The following NPY1R variants were observed in gnomAD, a reference collection of about 807,000 sequenced individuals.
The protein encoded by NPY1R is neuropeptide Y receptor Y1.
NPY1R carries 10 observed loss-of-function variants against 24.1 expected under a neutral mutation model. The observed-to-expected ratio is 0.42, with a 90% confidence interval of 0.26 to 0.71. The LOEUF (loss-of-function observed/expected upper bound fraction) is 0.71. Among genes scored for constraint, NPY1R ranks in the 30% least tolerant of loss-of-function variants. The probability of loss-of-function intolerance (pLI) is 0.28; values close to 1 mark genes in which losing one functional copy is unlikely to be tolerated. For missense variants in NPY1R, 350 were observed against 458.0 expected, an observed-to-expected ratio of 0.76 and a Z score of 2.15; for synonymous variants, 168 against 165.9, an observed-to-expected ratio of 1.01 and a Z score of -0.10.
upstream of NPY1R, among the ~76,000 whole-genome samples, chr4:163,334,861 GAAAAAAAAAAAA>G (rs545497813): frequency 1.5e-5 from 1 of 66,906 alleles, no homozygotes; most frequent in African/African-American, 5.6e-5. Flanking sequence ...CTCTGTTTTG[GAAAAAAAAAAAA>G]AAAAAAAAAG....
At chr4:163,340,759 A>G (rs879532107) in intron 1 of NPY1R, among the ~76,000 whole-genome samples, 5 of 152,120 alleles carry the variant, frequency 3.3e-5, no homozygotes, top group Non-Finnish European at 7.4e-5. Context: ...AGGTGTTCTG[A>G]TAAGTGTCTA....
intron 1 of NPY1R, chr4:163,344,063 C>T (rs1409436332): frequency 6.6e-6 from 1 of 152,126 alleles, no homozygotes; most frequent in Non-Finnish European, 1.5e-5. Context: ...ACCGAGGGGC[C>T]GTGGCGGGTC....
chr4:163,326,575 T>A lies in NPY1R; in HGVS notation c.-21A>T. Reference sequence around the variant, plus strand: ...TTCATTTTGATTGGTTTGGTTGTTATAGATTATTTTAGACAAATGGACAGT... The same window carrying A: ...TTCATTTTGATTGGTTTGGTTGTTAAAGATTATTTTAGACAAATGGACAGT... On this transcript the variant is annotated 5_prime_UTR_variant, in exon 2 of 3. Transcript: ENST00000296533. The A allele has an allele frequency of 6.9e-7, 1 of 1,442,744 alleles. No individual in the cohort carries two copies. Among genetic ancestry groups the A allele is most frequent in the Non-Finnish European group, 9.6e-7 (1 of 1,045,260 alleles). 89.4% of individuals were successfully genotyped at this position (1,442,744 alleles called of 1,614,324 possible). A position where few individuals can be genotyped will look rare whatever the true frequency, so the allele number is the denominator to read the frequency against.
At chr4:163,341,761 G>C (rs1192351366) in intron 1 of NPY1R, among the ~76,000 whole-genome samples, 1 of 152,050 alleles carries the variant, frequency 6.6e-6, no homozygotes, top group Non-Finnish European at 1.5e-5. Context: ...AAACAGAGGT[G>C]GACATTACTA....
chr4:163,341,223 A>T (rs1404734733), intron 1 of NPY1R, among the ~76,000 whole-genome samples: 2 of 152,122 alleles, frequency 1.3e-5, no homozygotes, highest in South Asian at 4.1e-4. Flanking sequence ...AGCATCATAA[A>T]ATATTTTTGA....
intron 1 of NPY1R, among the ~76,000 whole-genome samples, chr4:163,338,225 C>T (rs954588559): frequency 6.6e-6 from 1 of 152,126 alleles, no homozygotes; most frequent in African/African-American, 2.4e-5. Context: ...TGCTTCTTCA[C>T]AGCAGGATAA....
upstream of NPY1R, among the ~76,000 whole-genome samples, chr4:163,335,089 A>T (rs1378034316): frequency 6.6e-6 from 1 of 152,150 alleles, no homozygotes; most frequent in Non-Finnish European, 1.5e-5. Flanking sequence ...TCCTCATTCC[A>T]ATTTTAAGAT....
chr4:163,326,285 G>A lies in NPY1R; in HGVS notation c.270C>T (p.Ala90=). 1 of 1,614,122 alleles carries A rather than the reference G, an allele frequency of 6.2e-7. No homozygotes were observed. Among genetic ancestry groups the A allele is most frequent in the East Asian group, 2.2e-5 (1 of 44,882 alleles). The part of the protein sequence containing the change: ...VNLSFSDLLV[A]IMCLPFTFVY... ...CAAATGTAAAGGGGAGACACATGAT[G>A]GCAACAAGCAAGTCTGAGAAGGAAA... The change falls in exon 2 of 3, where the codon GCC becomes GCT. Residue 90 remains alanine, a synonymous_variant. Coordinates refer to ENST00000296533, the MANE Select transcript of NPY1R (RefSeq NM_000909.6).
chr4:163,326,583 T>C lies in NPY1R; in HGVS notation c.-29A>G. 2 of 1,370,532 alleles carry C rather than the reference T, an allele frequency of 1.5e-6. No individual in the cohort carries two copies. Among genetic ancestry groups the C allele is most frequent in the Non-Finnish European group, 2.0e-6 (2 of 981,638 alleles). 84.9% of individuals were successfully genotyped at this position (1,370,532 alleles called of 1,614,324 possible). On this transcript the variant is annotated 5_prime_UTR_variant, in exon 2 of 3. Transcript: ENST00000296533. ...GATTGGTTTGGTTGTTATAGATTAT[T>C]TTAGACAAATGGACAGTATGTTTCT...
chr4:163,326,545 T>C lies in NPY1R; in HGVS notation c.10A>G (p.Thr4Ala), dbSNP rs1342767208. 8.2e-6 allele frequency: 13 copies of C among 1,589,870 alleles called. No individual in the cohort carries two copies. The highest frequency in any genetic ancestry group is 1.4e-5 in the African/African-American group (1 of 73,922). Residue 4 changes from threonine to alanine, a missense_variant, in exon 2 of 3, where the codon ACA becomes GCA. Thr to Ala is a moderately conservative substitution (Grantham distance 58). Coordinates refer to ENST00000296533, the MANE Select transcript of NPY1R (RefSeq NM_000909.6). MNS[T>A]LFSQVENHSV... Reference sequence around the variant, plus strand: ...TGATTTTCAACCTGGGAAAATAATGTTGAATTCATTTTGATTGGTTTGGTT... The same window carrying C: ...TGATTTTCAACCTGGGAAAATAATGCTGAATTCATTTTGATTGGTTTGGTT...
chr4:163,339,978 A>G (rs1196428109), intron 1 of NPY1R, among the ~76,000 whole-genome samples: 1 of 152,152 alleles, frequency 6.6e-6, no homozygotes, highest in Non-Finnish European at 1.5e-5. Context: ...AAGGCATATC[A>G]TTCAACTTTT....
intron 1 of NPY1R, among the ~76,000 whole-genome samples, chr4:163,340,328 T>A (rs893058183): frequency 1.5e-4 from 23 of 150,390 alleles, no homozygotes; most frequent in Admixed American, 3.3e-4. Context: ...ATATATATAT[T>A]TGTGCTGCAA....
intron 1 of NPY1R, among the ~76,000 whole-genome samples, chr4:163,327,257 A>T (rs1433152625): frequency 1.3e-5 from 2 of 152,164 alleles, no homozygotes; most frequent in African/African-American, 4.8e-5. Flanking sequence ...ACATCAAAAA[A>T]CTTTGCCATG....
In NPY1R at chr4:163,324,636, A is replaced by C. The variant is rs796769524; in HGVS notation, c.*667T>G. 3 of 151,982 alleles carry C rather than the reference A, an allele frequency of 2.0e-5. No individual in the cohort carries two copies. Among genetic ancestry groups the C allele is most frequent in the Admixed American group, 1.3e-4 (2 of 15,266 alleles). 9.4% of individuals were successfully genotyped at this position (151,982 alleles called of 1,614,324 possible). Reference sequence around the variant, plus strand: ...TCTCTTCATTCCTGTGGGTGCCCCAATTCTCCATAATATTTGCAGCTGAGA... The same window carrying C: ...TCTCTTCATTCCTGTGGGTGCCCCACTTCTCCATAATATTTGCAGCTGAGA... On this transcript the variant is annotated 3_prime_UTR_variant, in exon 3 of 3. Coordinates refer to ENST00000296533, the MANE Select transcript of NPY1R (RefSeq NM_000909.6).
rs191254459 is a variant in NPY1R, at chr4:163,324,332, G to A, written c.*971C>T. 6.6e-6 allele frequency: 1 copy of A among 152,592 alleles called. No individual in the cohort carries two copies. Among genetic ancestry groups the A allele is most frequent in the African/African-American group, 2.4e-5 (1 of 41,446 alleles). The allele number at this position is 152,592 out of a possible 1,614,324, so 9.5% of individuals were successfully genotyped here. A position where few individuals can be genotyped will look rare whatever the true frequency, so the allele number is the denominator to read the frequency against. ...TTCCTTTGAAAGATGGACATTGAAA[G>A]TTAAAAATCAGTCACTATATAGGCA... On this transcript the variant is annotated 3_prime_UTR_variant, in exon 3 of 3. Transcript: ENST00000296533.
At chr4:163,336,994 T>C (rs1010013198), upstream of NPY1R, among the ~76,000 whole-genome samples, 1 of 30,058 alleles carries the variant, frequency 3.3e-5, no homozygotes, top group African/African-American at 4.8e-5. Context: ...GAGAAAGTGT[T>C]TTTTTTTTGT....
chr4:163,334,824 C>A (rs1342282416), upstream of NPY1R, among the ~76,000 whole-genome samples: 1 of 146,778 alleles, frequency 6.8e-6, no homozygotes, highest in Non-Finnish European at 1.5e-5. Flanking sequence ...CGCACGACTG[C>A]ACTCCAGCCT....
chr4:163,331,531 T>A (rs925544264), intron 1 of NPY1R, among the ~76,000 whole-genome samples: 1 of 151,620 alleles, frequency 6.6e-6, no homozygotes, highest in African/African-American at 2.4e-5. Flanking sequence ...CTCTCTCTCA[T>A]CAAAAAACCT....
chr4:163,341,786 T>C (rs543306743), intron 1 of NPY1R, among the ~76,000 whole-genome samples: 1 of 152,348 alleles, frequency 6.6e-6, no homozygotes, highest in African/African-American at 2.4e-5. Flanking sequence ...TGTTCTGGTA[T>C]TCCCCTTCGC....
Sources: gnomAD v4.1 joint callset for allele counts (sites outside exome capture counted in the v4.1 genomes callset) on GRCh38, gnomAD v4.1.1 for gene constraint, MANE v1.5 for transcripts, NCBI Gene and HGNC (gene_info 2026-07-23, HGNC 2026-07-21) for gene names.